DCLK1: variants seen among roughly 807,000 people sequenced by gnomAD.
DCLK1 encodes serine/threonine-protein kinase DCLK1.
In DCLK1, 16 loss-of-function variants were observed where a neutral mutation model predicts 86.2. The ratio of observed to expected loss-of-function variants is 0.19; its 90% confidence interval spans 0.13 to 0.28. The LOEUF is 0.28. DCLK1 is among the 10% of genes least tolerant of loss of function. The pLI is 1.00. For missense variants in DCLK1, 590 were observed against 940.2 expected, an observed-to-expected ratio of 0.63 and a Z score of 4.87; for synonymous variants, 369 against 370.5, an observed-to-expected ratio of 1.00 and a Z score of 0.05.
At chr13:35,899,374 A>T (rs113592264) in intron 4 of DCLK1, among the ~76,000 whole-genome samples, 8,557 of 125,982 alleles carry the variant, frequency 0.068, 722 homozygotes, top group African/African-American at 0.23. Context: ...TGTGTGAGAG[A>T]GAGAGAGAGA....
intron 5 of DCLK1, among the ~76,000 whole-genome samples, chr13:35,868,184 G>C (rs961921697): frequency 3.3e-5 from 5 of 151,812 alleles, no homozygotes; most frequent in Non-Finnish European, 5.9e-5. Flanking sequence ...CACCACGCCC[G>C]GCTAATTTTT....
chr13:36,074,293 G>C (rs547590307), intron 3 of DCLK1, among the ~76,000 whole-genome samples: 1 of 151,826 alleles, frequency 6.6e-6, no homozygotes, highest in Admixed American at 6.6e-5. Context: ...GCGAGGTCAG[G>C]AGATCGAGAC....
chr13:35,797,215 G>A (rs9601348), intron 15 of DCLK1, among the ~76,000 whole-genome samples: 385 of 152,302 alleles, frequency 2.5e-3, no homozygotes, highest in African/African-American at 8.1e-3. Flanking sequence ...CTGGGTTTTC[G>A]TAAGAGCAGC....
intron 15 of DCLK1, among the ~76,000 whole-genome samples, chr13:35,794,929 A>T (rs1295415729): frequency 1.3e-5 from 2 of 152,218 alleles, no homozygotes; most frequent in Admixed American, 1.3e-4. Flanking sequence ...CTATGTTAGG[A>T]ATAGCAGAGT....
rs775514054 is a variant in DCLK1, at chr13:35,772,265, T to C, written c.*2270A>G. Reference sequence around the variant, plus strand: ...GGTCCAGAGTCCCCCTAGACGTCGATGGGAAAAGGCCTGAGCCATGCACCG... The same window carrying C: ...GGTCCAGAGTCCCCCTAGACGTCGACGGGAAAAGGCCTGAGCCATGCACCG... On this transcript the variant is annotated 3_prime_UTR_variant, in exon 17 of 17. Coordinates refer to ENST00000360631, the MANE Select transcript of DCLK1 (RefSeq NM_001330071.2). The C allele has an allele frequency of 3.3e-5, 5 of 152,012 alleles. No individual in the cohort carries two copies. Among genetic ancestry groups the C allele is most frequent in the Non-Finnish European group, 5.9e-5 (4 of 68,034 alleles). The allele number at this position is 152,012 out of a possible 1,614,324, so 9.4% of individuals were successfully genotyped here. A position where few individuals can be genotyped will look rare whatever the true frequency, so the allele number is the denominator to read the frequency against.
At chr13:36,104,442 G>A (rs765877611) in intron 3 of DCLK1, among the ~76,000 whole-genome samples, 3 of 152,184 alleles carry the variant, frequency 2.0e-5, no homozygotes, top group Non-Finnish European at 4.4e-5. Flanking sequence ...TACATACAAT[G>A]TACAGTGAAC....
intron 3 of DCLK1, among the ~76,000 whole-genome samples, chr13:36,092,028 A>G (rs529015123): frequency 6.6e-6 from 1 of 152,278 alleles, no homozygotes; most frequent in East Asian, 1.9e-4. Context: ...ACCTTATAGT[A>G]TTTTATTAAA....
chr13:35,955,719 T>C (rs1877942847), intron 3 of DCLK1, among the ~76,000 whole-genome samples: 1 of 152,156 alleles, frequency 6.6e-6, no homozygotes, highest in Non-Finnish European at 1.5e-5. Flanking sequence ...AAAATGGACC[T>C]ACCAATGCTT....
chr13:35,798,839 G>A (rs537113223), intron 15 of DCLK1, among the ~76,000 whole-genome samples: 2 of 152,208 alleles, frequency 1.3e-5, no homozygotes, highest in East Asian at 3.8e-4. Flanking sequence ...GTGTGTGTGG[G>A]TAGGGCTGAG....
rs2086358195 is a variant in DCLK1, at chr13:35,772,791, C to T, written c.*1744G>A. ...GGTGATGGTGTTGCAAAAGTAATGA[C>T]ATGTGATTTAAAAATCCATATTAAT... On this transcript the variant is annotated 3_prime_UTR_variant, in exon 17 of 17. Coordinates refer to ENST00000360631, the MANE Select transcript of DCLK1 (RefSeq NM_001330071.2). The T allele has an allele frequency of 6.6e-6, 1 of 151,902 alleles. No homozygotes were observed. Among genetic ancestry groups the T allele is most frequent in the African/African-American group, 2.4e-5 (1 of 41,318 alleles). 9.4% of individuals were successfully genotyped at this position (151,902 alleles called of 1,614,324 possible). A position where few individuals can be genotyped will look rare whatever the true frequency, so the allele number is the denominator to read the frequency against.
chr13:36,127,605 T>G (rs959195823), intron 1 of DCLK1, among the ~76,000 whole-genome samples: 2 of 152,218 alleles, frequency 1.3e-5, no homozygotes, highest in African/African-American at 4.8e-5. Context: ...GTGTCTGACA[T>G]GTGATAAGTA....
intron 3 of DCLK1, among the ~76,000 whole-genome samples, chr13:35,964,991 ACT>A (rs1330006562): frequency 6.6e-6 from 1 of 152,022 alleles, no homozygotes; most frequent in East Asian, 1.9e-4. Context: ...TAAAATATTT[ACT>A]CTCTGACCCT....
At chr13:35,833,641 AG>A (rs141275146) in intron 8 of DCLK1, among the ~76,000 whole-genome samples, 157 of 152,332 alleles carry the variant, frequency 1.0e-3, no homozygotes, top group African/African-American at 3.5e-3. Flanking sequence ...TGCCTGTGAC[AG>A]GATATGATTA....
intron 3 of DCLK1, among the ~76,000 whole-genome samples, chr13:36,106,342 T>C (rs1885395596): frequency 6.6e-6 from 1 of 152,202 alleles, no homozygotes; most frequent in African/African-American, 2.4e-5. Flanking sequence ...ACTTTAATTC[T>C]GTAAGTGAAG....
chr13:36,111,980 C>A lies in DCLK1; in HGVS notation c.612G>T (p.Leu204=). ...GVKPRKAVRI[L]LNKKTAHSFE... ...AGGAATGAGCCGTTTTCTTGTTCAG[C>A]AGAATCCTGACAGCTTTCCGTGGCT... is the stretch of plus-strand genomic sequence containing the variant. The change falls in exon 3 of 17, where the codon CTG becomes CTT. Residue 204 remains leucine (L), a synonymous_variant. Coordinates refer to ENST00000360631, the MANE Select transcript of DCLK1 (RefSeq NM_001330071.2). 1 of 1,614,248 alleles carries A rather than the reference C, an allele frequency of 6.2e-7. No homozygotes were observed. Among genetic ancestry groups the A allele is most frequent in the Non-Finnish European group, 8.5e-7 (1 of 1,180,042 alleles).
rs189484583 is a variant in DCLK1, at chr13:35,934,824, T to A, written c.823+12534A>T. On this transcript the variant is annotated intron_variant, in intron 4 of 16. Coordinates refer to ENST00000360631, the MANE Select transcript of DCLK1 (RefSeq NM_001330071.2). ...TTTCTCAACTTCTCCTAACATCGCT[T>A]TCATTATTGTAAAGCAACACTGCAG... Among the ~76,000 whole-genome samples the A allele has an allele frequency of 2.0e-5, 3 of 152,274 alleles. No homozygotes were observed. The East Asian group carries it at 5.8e-4, about 29-fold the overall frequency.
chr13:35,878,879 A>C (rs1413957256), intron 4 of DCLK1, among the ~76,000 whole-genome samples: 1 of 151,834 alleles, frequency 6.6e-6, no homozygotes, highest in Middle Eastern at 3.2e-3. Flanking sequence ...TCTGCCTCCC[A>C]GGTTCAGGTG....
At chr13:35,881,947 C>T (rs1936002) in intron 4 of DCLK1, among the ~76,000 whole-genome samples, 65,929 of 152,082 alleles carry the variant, frequency 0.43, 14,439 homozygotes, top group Non-Finnish European at 0.46. Context: ...TGGACTCATG[C>T]GCATAATGGT....
chr13:36,003,305 G>A (rs756976528), intron 3 of DCLK1, among the ~76,000 whole-genome samples: 7 of 63,382 alleles, frequency 1.1e-4, no homozygotes, highest in East Asian at 8.7e-4. Flanking sequence ...TAGTGCATGC[G>A]TGTGTGTGTG....
Sources: allele counts gnomAD v4.1 joint callset (sites outside exome capture counted in the v4.1 genomes callset), GRCh38; gene constraint gnomAD v4.1.1; transcripts MANE v1.5; gene names NCBI Gene and HGNC (gene_info 2026-07-23, HGNC 2026-07-21).